Variants in MGLL observed in about 807,000 individuals in gnomAD.
MGLL encodes the protein monoglyceride lipase, also known as lysophospholipase homolog.
Under a neutral mutation model 29.1 loss-of-function variants are expected in MGLL, and 7 were observed. The observed-to-expected ratio is 0.24, with a 90% confidence interval of 0.14 to 0.45. MGLL has a LOEUF of 0.45. MGLL is among the 20% of genes least tolerant of loss of function. The pLI, the probability that MGLL is intolerant of heterozygous loss-of-function variation, is 0.99. For synonymous variants in MGLL, 148 were observed against 168.3 expected, an observed-to-expected ratio of 0.88 and a Z score of 0.93; for missense variants, 356 against 413.6, an observed-to-expected ratio of 0.86 and a Z score of 1.21.
Position 127,801,302 on chromosome 3 carries a change from C to T in MGLL, c.156-19407G>A, listed in dbSNP as rs1380087128. ...GGGCAACAAGAGTGAAACTCCATCT[C>T]AAAAAAAAAAAAAAAAAAGGAGTGG... is the stretch of plus-strand genomic sequence containing the variant. On this transcript the variant is annotated intron_variant, in intron 2 of 7. Transcript: ENST00000265052. Among the ~76,000 whole-genome samples, 40 of 55,064 alleles carry T rather than the reference C, an allele frequency of 7.3e-4. No homozygotes were observed. The East Asian group carries it at 0.021, about 30-fold the overall frequency. The allele number at this position is 55,064 out of a possible 152,430, so 36.1% of individuals were successfully genotyped here.
At chr3:127,746,805 G>A (rs2076454095) in intron 3 of MGLL, among the ~76,000 whole-genome samples, 1 of 151,740 alleles carries the variant, frequency 6.6e-6, no homozygotes, top group Non-Finnish European at 1.5e-5. Flanking sequence ...CCCACCCCCA[G>A]CCCCCAATCT....
chr3:127,702,947 G>A (rs1576476668), intron 6 of MGLL, among the ~76,000 whole-genome samples: 2 of 152,230 alleles, frequency 1.3e-5, no homozygotes, highest in South Asian at 2.1e-4. Context: ...TGCCCACCTC[G>A]GCCTCCCAAA....
At position 127,722,464 on chromosome 3, in the gene MGLL, G is replaced by C; in HGVS notation, c.365C>G (p.Pro122Arg). ...GCCCAGAAGGAAGACAGGAAGCCCA[G>C]GGTAGTCTTTCTGCATGGAATCCAC... ...QHVDSMQKDY[P>R]GLPVFLLGHS... The change falls in exon 4 of 8, where the codon CCT (proline) becomes CGT (arginine). Residue 122 changes from proline (P) to arginine (R), a missense_variant. Physicochemically the swap from Pro to Arg is moderately radical, Grantham distance 103 (BLOSUM62 -2). Coordinates refer to ENST00000265052, the MANE Select transcript of MGLL (RefSeq NM_007283.7). The C allele has an allele frequency of 6.2e-7, 1 of 1,614,226 alleles. No homozygotes were observed. The highest frequency in any genetic ancestry group is 1.6e-4 in the Middle Eastern group (1 of 6,062).
intron 2 of MGLL, among the ~76,000 whole-genome samples, chr3:127,809,451 T>G (rs1256192126): frequency 6.6e-6 from 1 of 151,974 alleles, no homozygotes; most frequent in African/African-American, 2.4e-5. Flanking sequence ...CATAGTGAGA[T>G]CCTGTGTCTG....
intron 2 of MGLL, among the ~76,000 whole-genome samples, chr3:127,809,402 G>T (rs1264463929): frequency 2.6e-5 from 4 of 152,114 alleles, no homozygotes. Flanking sequence ...GAGGAGATAG[G>T]ATCATTTGAG....
chr3:127,716,048 G>A (rs2075809086), intron 5 of MGLL: 1 of 346,318 alleles, frequency 2.9e-6, no homozygotes, highest in Non-Finnish European at 5.7e-6. Flanking sequence ...AACCAGGTTT[G>A]TGTAACCACA....
intron 6 of MGLL, among the ~76,000 whole-genome samples, chr3:127,700,613 A>G (rs1162792355): frequency 6.6e-6 from 1 of 152,158 alleles, no homozygotes; most frequent in Non-Finnish European, 1.5e-5. Flanking sequence ...CTCTGGTGCA[A>G]TGGATGAATA....
At chr3:127,721,512 T>G (rs895875125) in intron 4 of MGLL, among the ~76,000 whole-genome samples, 89 of 149,118 alleles carry the variant, frequency 6.0e-4, no homozygotes, top group Non-Finnish European at 1.2e-3. Context: ...GGAGGGTTTT[T>G]TTTTTTTTTT....
intron 3 of MGLL, among the ~76,000 whole-genome samples, chr3:127,759,875 T>C (rs1475402103): frequency 1.3e-5 from 2 of 152,210 alleles, no homozygotes; most frequent in Non-Finnish European, 2.9e-5. Flanking sequence ...TCCAATCTGG[T>C]GGCGTCTGTA....
chr3:127,721,507 GTTTTTTTT>G lies in MGLL; in HGVS notation c.400-352_400-345del, dbSNP rs55892315. On this transcript the variant is annotated intron_variant, in intron 4 of 7. Transcript: ENST00000265052. Reference sequence around the variant, plus strand: ...CCATCCCGACAGGCTTAATAGGAGGGTTTTTTTTTTTTTTTTTTTTTTTGGTGGGGGGT... The same window carrying G: ...CCATCCCGACAGGCTTAATAGGAGGGTTTTTTTTTTTTTTTGGTGGGGGGT... Among the ~76,000 whole-genome samples the G allele has an allele frequency of 2.0e-4, 19 of 94,816 alleles. 1 individual carries two copies. Among genetic ancestry groups the G allele is most frequent in the Non-Finnish European group, 3.4e-4 (17 of 50,702 alleles). 62.2% of individuals were successfully genotyped at this position (94,816 alleles called of 152,430 possible).
chr3:127,768,668 C>A (rs2107691138), intron 3 of MGLL, among the ~76,000 whole-genome samples: 1 of 152,316 alleles, frequency 6.6e-6, no homozygotes, highest in African/African-American at 2.4e-5. Context: ...TTCCTTCCCC[C>A]TCCCCTGGAT....
At chr3:127,733,870 C>T (rs768900099) in intron 3 of MGLL, among the ~76,000 whole-genome samples, 3 of 152,132 alleles carry the variant, frequency 2.0e-5, no homozygotes, top group Admixed American at 6.5e-5. Context: ...TGGCTGGGTG[C>T]GCAGCTGCAC....
intron 2 of MGLL, among the ~76,000 whole-genome samples, chr3:127,801,826 T>A (rs1409784742): frequency 1.3e-5 from 2 of 148,592 alleles, no homozygotes; most frequent in Non-Finnish European, 3.0e-5. Context: ...AATATTTATA[T>A]ATATAATTTT....
At chr3:127,726,795 G>C (rs960049732) in intron 3 of MGLL, among the ~76,000 whole-genome samples, 4 of 152,162 alleles carry the variant, frequency 2.6e-5, no homozygotes, top group African/African-American at 9.7e-5. Context: ...TGAATAAAAA[G>C]TGTTATAAAA....
chr3:127,720,314 C>T (rs776842493), intron 5 of MGLL, among the ~76,000 whole-genome samples: 6 of 152,206 alleles, frequency 3.9e-5, no homozygotes, highest in Admixed American at 6.5e-5. Flanking sequence ...TGGGATTCTC[C>T]ACCCTCACTG....
At chr3:127,756,508 A>G (rs1398250301) in intron 3 of MGLL, among the ~76,000 whole-genome samples, 13 of 152,038 alleles carry the variant, frequency 8.6e-5, no homozygotes, top group Non-Finnish European at 2.9e-5. Flanking sequence ...CATCTCACCC[A>G]TCCCCGATCA....
intron 5 of MGLL, chr3:127,715,533 C>T (rs2075796358): frequency 2.7e-6 from 1 of 374,584 alleles, no homozygotes; most frequent in Non-Finnish European, 5.4e-6. Flanking sequence ...AAAAGAGATC[C>T]CCTTTCCCTG....
intron 2 of MGLL, among the ~76,000 whole-genome samples, chr3:127,813,822 C>G (rs1194893320): frequency 1.3e-5 from 2 of 152,194 alleles, no homozygotes; most frequent in Admixed American, 1.3e-4. Context: ...GCCCCACACT[C>G]TAACCCCCAA....
intron 6 of MGLL, among the ~76,000 whole-genome samples, chr3:127,705,645 A>G (rs1485620290): frequency 6.6e-6 from 1 of 151,854 alleles, no homozygotes; most frequent in Non-Finnish European, 1.5e-5. Context: ...GTGTGGTGGC[A>G]CGCGCCTGTA....
Sources: gnomAD v4.1 joint callset for allele counts (sites outside exome capture counted in the v4.1 genomes callset) on GRCh38, gnomAD v4.1.1 for gene constraint, MANE v1.5 for transcripts, NCBI Gene and HGNC (gene_info 2026-07-23, HGNC 2026-07-21) for gene names.